GLIS1: variants seen among roughly 807,000 people sequenced by gnomAD.
GLIS1 encodes zinc finger protein GLIS1.
A neutral mutation model predicts 63.8 loss-of-function variants in GLIS1; 24 were observed. The ratio of observed to expected loss-of-function variants is 0.38; its 90% CI spans 0.27 to 0.53. The LOEUF is 0.53. GLIS1 is among the 20% of genes least tolerant of loss of function. The pLI is 0.85. For missense variants in GLIS1, 1,036 were observed against 1,074.1 expected (o/e 0.96, Z 0.50); for synonymous variants, 450 against 482.5 (o/e 0.93, Z 0.88).
At chr1:53,576,054 C>T (rs1161365498) in intron 4 of GLIS1, among the ~76,000 whole-genome samples, 1 of 152,076 alleles carries the variant, frequency 6.6e-6, no homozygotes, top group East Asian at 1.9e-4. Context: ...GCTTTCTCTG[C>T]CTCCTCACCT....
chr1:53,507,612 C>T (rs904293579), intron 10 of GLIS1, among the ~76,000 whole-genome samples: 5 of 152,312 alleles, frequency 3.3e-5, no homozygotes, highest in Admixed American at 3.3e-4. Flanking sequence ...TGTTCTGAGG[C>T]CTGCAGCCCC....
At chr1:53,524,362 T>C (rs1247825260) in intron 6 of GLIS1, among the ~76,000 whole-genome samples, 1 of 152,250 alleles carries the variant, frequency 6.6e-6, no homozygotes, top group Non-Finnish European at 1.5e-5. Context: ...TCTCTCGCCA[T>C]CTTAATGACA....
intron 7 of GLIS1, among the ~76,000 whole-genome samples, chr1:53,519,207 C>G (rs1644382037): frequency 6.6e-6 from 1 of 152,198 alleles, no homozygotes; most frequent in Admixed American, 6.5e-5. Context: ...CTATGAGAAG[C>G]AGCCACACAG....
intron 2 of GLIS1, 133 bp downstream of exon 2, chr1:53,737,673 T>G (rs1646924450): frequency 1.1e-6 from 1 of 884,890 alleles, no homozygotes; most frequent in Admixed American, 4.3e-5. Flanking sequence ...GACAAGCTAG[T>G]CCCAAACAAT....
intron 4 of GLIS1, among the ~76,000 whole-genome samples, chr1:53,580,600 C>G (rs1365522293): frequency 6.6e-6 from 1 of 152,114 alleles, no homozygotes; most frequent in Non-Finnish European, 1.5e-5. Context: ...TACCCCAGAG[C>G]AGGGGGAGGC....
At chr1:53,532,790 G>T (rs962063418) in intron 4 of GLIS1, among the ~76,000 whole-genome samples, 1 of 152,220 alleles carries the variant, frequency 6.6e-6, no homozygotes, top group Non-Finnish European at 1.5e-5. Flanking sequence ...GACCATGATC[G>T]ATACATCATC....
In GLIS1 at chr1:53,646,850, G is replaced by C. The variant is rs1645849513; in HGVS notation, c.260-46572C>G. On this transcript the variant is annotated intron_variant, in intron 2 of 10. Transcript: ENST00000628545. The surrounding 1 kb of genome is among the most constrained non-coding windows in gnomAD (Gnocchi z 4.2). ...AAGGAAAGAGAGAGAGAGAGAAAGA[G>C]AGGGGAAGGAAAGAAGGAAGGAAGG... Among the ~76,000 whole-genome samples, 6 of 149,076 alleles carry C rather than the reference G, an allele frequency of 4.0e-5. No individual in the cohort carries two copies. The Admixed American group carries it at 4.1e-4, about 10-fold the overall frequency.
intron 2 of GLIS1, among the ~76,000 whole-genome samples, chr1:53,634,073 T>C (rs187672808): frequency 1.3e-5 from 2 of 152,302 alleles, no homozygotes; most frequent in East Asian, 3.9e-4. Flanking sequence ...AAAGTTTTCA[T>C]CCTGAAGTCT....
chr1:53,735,766 G>A (rs887866861), intron 2 of GLIS1, among the ~76,000 whole-genome samples: 8 of 152,136 alleles, frequency 5.3e-5, no homozygotes, highest in African/African-American at 1.7e-4. Flanking sequence ...GGACTATTTC[G>A]GTGGGAGTAG....
In GLIS1 at chr1:53,609,452, G is replaced by T. The variant is rs144386486; in HGVS notation, c.260-9174C>A. On this transcript the variant is annotated intron_variant, in intron 2 of 10. Coordinates refer to ENST00000628545, the MANE Select transcript of GLIS1 (RefSeq NM_001367484.1). ...CACCTGGCTAATTTTTGTATTTTTA[G>T]TAGAGATGGGGTTTTACCATATTGG... Among the ~76,000 whole-genome samples, 1,892 of 151,768 alleles carry T rather than the reference G, an allele frequency of 0.012. 160 individuals are homozygous for T. The East Asian group carries it at 0.25, about 20-fold the overall frequency.
intron 2 of GLIS1, among the ~76,000 whole-genome samples, chr1:53,616,488 C>T (rs550900282): frequency 2.6e-5 from 4 of 152,118 alleles, no homozygotes; most frequent in South Asian, 4.1e-4. Flanking sequence ...CTGGTTTTTT[C>T]CCCCTCACTG....
At chr1:53,620,203 T>A (rs1416965447) in intron 2 of GLIS1, among the ~76,000 whole-genome samples, 1 of 152,214 alleles carries the variant, frequency 6.6e-6, no homozygotes, top group Non-Finnish European at 1.5e-5. Context: ...CTGGGCTCTG[T>A]CCAGCACTTC....
rs1468552104 is a variant in GLIS1, at chr1:53,564,571, C to A, written c.1320+29537G>T. On this transcript the variant is annotated intron_variant, in intron 4 of 10. Transcript: ENST00000628545. Reference sequence around the variant, plus strand: ...GAACTAAAGACATAAAATAAATTAACCTCCCTTTTGCTAATTACAATAAAC... The same window carrying A: ...GAACTAAAGACATAAAATAAATTAAACTCCCTTTTGCTAATTACAATAAAC... 5.9e-5 allele frequency among the ~76,000 whole-genome samples: 9 copies of A among 152,122 alleles called. No individual in the cohort carries two copies. The East Asian group carries it at 1.4e-3, about 23-fold the overall frequency.
At chr1:53,559,658 G>T (rs1275221092) in intron 4 of GLIS1, among the ~76,000 whole-genome samples, 1 of 152,092 alleles carries the variant, frequency 6.6e-6, no homozygotes, top group African/African-American at 2.4e-5. Flanking sequence ...CTGAGCCCCT[G>T]CGAGCCTCTG....
At chr1:53,517,886 T>C (rs1325604252) in intron 7 of GLIS1, among the ~76,000 whole-genome samples, 1 of 152,100 alleles carries the variant, frequency 6.6e-6, no homozygotes, top group Non-Finnish European at 1.5e-5. Flanking sequence ...GTGTGTGAAC[T>C]AGAGATGCTG....
chr1:53,506,703 G>A lies in GLIS1; in HGVS notation c.2304C>T (p.Ser768=), dbSNP rs773999715. The A allele has an allele frequency of 1.2e-5, 19 of 1,613,220 alleles. No individual in the cohort carries two copies. The highest frequency in any genetic ancestry group is 8.8e-5 in the South Asian group (8 of 91,092). The change falls in exon 11 of 11, where the codon AGC becomes AGT. Residue 768 remains serine (S), a synonymous_variant. Coordinates refer to ENST00000628545, the MANE Select transcript of GLIS1 (RefSeq NM_001367484.1). ...GGAAGAAGCCACAGTCCTCGGGGCC[G>A]CTGGACACCACATCTTCAGATGGCT... ...PQQPSEDVVS[S]GPEDCGFFPN...
At chr1:53,679,027 T>C (rs1040850017) in intron 2 of GLIS1, among the ~76,000 whole-genome samples, 1 of 152,168 alleles carries the variant, frequency 6.6e-6, no homozygotes, top group Non-Finnish European at 1.5e-5. Context: ...CCACCTCTCA[T>C]GTCCTCTTCC....
At chr1:53,612,833 T>A (rs1190851120) in intron 2 of GLIS1, among the ~76,000 whole-genome samples, 4 of 151,638 alleles carry the variant, frequency 2.6e-5, no homozygotes, top group Non-Finnish European at 5.9e-5. Context: ...TTTTTTTTTT[T>A]TTTGAGATGG....
intron 4 of GLIS1, among the ~76,000 whole-genome samples, chr1:53,533,683 A>G (rs1644553990): frequency 6.6e-6 from 1 of 152,316 alleles, no homozygotes; most frequent in South Asian, 2.1e-4. Context: ...AGCCAGAGTC[A>G]TGCCCCATCA....
Sources: allele counts gnomAD v4.1 joint callset (sites outside exome capture counted in the v4.1 genomes callset), GRCh38; gene constraint gnomAD v4.1.1; non-coding constraint Gnocchi (gnomAD v3.1); transcripts MANE v1.5; gene names NCBI Gene and HGNC (gene_info 2026-07-23, HGNC 2026-07-21).